The following KIF16B variants were observed in gnomAD, a reference collection of about 807,000 sequenced individuals.
KIF16B encodes kinesin-like protein KIF16B.
KIF16B carries 98 observed loss-of-function variants against 156.3 expected under a neutral mutation model. The ratio of observed to expected loss-of-function variants is 0.63; its 90% confidence interval spans 0.53 to 0.74. The LOEUF (loss-of-function observed/expected upper bound fraction) is 0.74, where lower values mean the gene tolerates loss of function less well. Ranked by LOEUF, KIF16B falls within the 30% of genes least tolerant of loss-of-function variation. The probability of loss-of-function intolerance (pLI) is 0.00; values close to 1 mark genes in which losing one functional copy is unlikely to be tolerated. For synonymous variants in KIF16B, 564 were observed against 583.7 expected, an observed-to-expected ratio of 0.97 and a Z score of 0.49; for missense variants, 1,421 against 1,606.5, an observed-to-expected ratio of 0.88 and a Z score of 1.97.
chr20:16,473,272 A>G (rs1429149955), intron 12 of KIF16B, among the ~76,000 whole-genome samples: 4 of 152,144 alleles, frequency 2.6e-5, no homozygotes, highest in Non-Finnish European at 5.9e-5. Context: ...GGCTCTCCCA[A>G]CTTTTTATAA....
chr20:16,571,849 TC>T (rs1278138013), intron 1 of KIF16B, among the ~76,000 whole-genome samples: 1 of 152,128 alleles, frequency 6.6e-6, no homozygotes, highest in East Asian at 1.9e-4. Context: ...CAGGATGGTC[TC>T]CATCTCTTGA....
chr20:16,561,460 G>C (rs2071059237), intron 1 of KIF16B, among the ~76,000 whole-genome samples: 1 of 151,994 alleles, frequency 6.6e-6, no homozygotes, highest in Non-Finnish European at 1.5e-5. Context: ...CACTAAGTCA[G>C]TGGGAAAAAA....
In KIF16B at chr20:16,379,659, ACGCCGCAGG is replaced by A; in HGVS notation, c.2334_2342del (p.Leu779_Arg781del). The A allele has an allele frequency of 6.2e-7, 1 of 1,613,304 alleles. No individual in the cohort carries two copies. The highest frequency in any genetic ancestry group is 2.2e-5 in the East Asian group (1 of 44,826). ...CCTCTTCCACCCACTGTACCTCCCC[ACGCCGCAGG>A]AGCTGGATCATCTCCTGCTTCTCTC... On this transcript the variant is annotated inframe_deletion, in exon 19 of 26. Coordinates refer to ENST00000354981, the MANE Select transcript of KIF16B (RefSeq NM_024704.5).
rs743131 is a variant in KIF16B at position 16,429,399 on chromosome 20, A to C, written c.1423-395T>G. Among the ~76,000 whole-genome samples the C allele has an allele frequency of 6.6e-3, 1,001 of 152,292 alleles. 16 individuals are homozygous for C. Among genetic ancestry groups the C allele is most frequent in the African/African-American group, 0.023 (959 of 41,572 alleles). ...AGTTATGGGTCAGAGAGAGGGCACT[A>C]AAGTCAAGGTTACAGGGGCATCCAT... On this transcript the variant is annotated intron_variant, in intron 13 of 25. Transcript: ENST00000354981.
At chr20:16,369,464 TTA>T (rs67350383) in intron 22 of KIF16B, among the ~76,000 whole-genome samples, 103,465 of 151,838 alleles carry the variant, frequency 0.68, 36,420 homozygotes, top group East Asian at 0.97. Flanking sequence ...ATTTTCCATA[TTA>T]TATATATATT....
At chr20:16,513,781 A>C (rs1209468381) in intron 4 of KIF16B, among the ~76,000 whole-genome samples, 1 of 152,130 alleles carries the variant, frequency 6.6e-6, no homozygotes, top group African/African-American at 2.4e-5. Context: ...ATGTGGGTAT[A>C]ACGTTCAATA....
Position 16,379,953 on chromosome 20 carries a change from C to T in KIF16B, c.2049G>A (p.Arg683=). The T allele has an allele frequency of 6.2e-7, 1 of 1,613,208 alleles. No homozygotes were observed. Among genetic ancestry groups the T allele is most frequent in the East Asian group, 2.2e-5 (1 of 44,864 alleles). The stretch of plus-strand genomic sequence containing the variant: ...GCTCGATTTCCTGCTGTTCCCTCAG[C>T]CTCTCCTCTTCAAATTTTTCCTTCT... The part of the protein sequence containing the change: ...LAEKEKFEEE[R]LREQQEIELQ... The change falls in exon 19 of 26, where the codon AGG becomes AGA. Residue 683 remains arginine (R), a synonymous_variant. Transcript: ENST00000354981.
intron 17 of KIF16B, among the ~76,000 whole-genome samples, chr20:16,384,189 A>C (rs1600256680): frequency 6.6e-6 from 1 of 152,306 alleles, no homozygotes; most frequent in South Asian, 2.1e-4. Flanking sequence ...CTGAGCACCT[A>C]CTTTTTAAAA....
intron 23 of KIF16B, among the ~76,000 whole-genome samples, chr20:16,337,126 G>T (rs948896660): frequency 1.3e-5 from 2 of 152,166 alleles, no homozygotes; most frequent in African/African-American, 4.8e-5. Flanking sequence ...CTCCTGCTAG[G>T]TGTCTTCACT....
chr20:16,490,168 G>C (rs2068245657), intron 12 of KIF16B, among the ~76,000 whole-genome samples: 1 of 152,124 alleles, frequency 6.6e-6, no homozygotes, highest in African/African-American at 2.4e-5. Context: ...CGTATTTGGA[G>C]ACAGAGCCTT....
intron 23 of KIF16B, among the ~76,000 whole-genome samples, chr20:16,351,263 A>G (rs550205352): frequency 6.6e-6 from 1 of 152,328 alleles, no homozygotes; most frequent in East Asian, 1.9e-4. Context: ...ATTTCAAACA[A>G]TGCTGGAAAC....
At chr20:16,519,003 C>T (rs1241104586) in intron 3 of KIF16B, among the ~76,000 whole-genome samples, 1 of 152,136 alleles carries the variant, frequency 6.6e-6, no homozygotes, top group Non-Finnish European at 1.5e-5. Context: ...CCCCATGGTC[C>T]AATTCTGCTA....
chr20:16,361,915 G>T (rs2064559217), intron 22 of KIF16B, among the ~76,000 whole-genome samples: 1 of 152,146 alleles, frequency 6.6e-6, no homozygotes, highest in Non-Finnish European at 1.5e-5. Context: ...ACTATTAAAA[G>T]TGTCACTATT....
chr20:16,321,348 C>A (rs2063770911), intron 24 of KIF16B, among the ~76,000 whole-genome samples: 1 of 152,008 alleles, frequency 6.6e-6, no homozygotes, highest in African/African-American at 2.4e-5. Flanking sequence ...TAAATTAACA[C>A]CATATGTCTT....
At chr20:16,312,460 T>A in intron 24 of KIF16B, 42 bp from the exon 25 acceptor site, 1 of 1,305,886 alleles carries the variant, frequency 7.7e-7, no homozygotes, top group Non-Finnish European at 1.1e-6. Context: ...ATAGCATACC[T>A]GTTAATTGTT....
intron 15 of KIF16B, among the ~76,000 whole-genome samples, chr20:16,413,277 A>G (rs2066003712): frequency 6.6e-6 from 1 of 152,168 alleles, no homozygotes; most frequent in Non-Finnish European, 1.5e-5. Context: ...TGGAGGGGAC[A>G]TGACATTGTG....
At chr20:16,485,758 G>T (rs6044009) in intron 12 of KIF16B, among the ~76,000 whole-genome samples, 32,370 of 152,042 alleles carry the variant, frequency 0.21, 3,844 homozygotes, top group African/African-American at 0.32. Flanking sequence ...TATCCTAATG[G>T]ATGTCAATTT....
At chr20:16,304,762 C>T (rs6105566) in intron 25 of KIF16B, among the ~76,000 whole-genome samples, 1 of 152,064 alleles carries the variant, frequency 6.6e-6, no homozygotes, top group East Asian at 1.9e-4. Flanking sequence ...CTCAGAAATC[C>T]TAGGATTTTT....
At chr20:16,442,580 T>A (rs2066832590) in intron 12 of KIF16B, among the ~76,000 whole-genome samples, 1 of 152,078 alleles carries the variant, frequency 6.6e-6, no homozygotes, top group South Asian at 2.1e-4. Context: ...CCTAGCTTTT[T>A]TAATTACACA....
Sources: allele counts gnomAD v4.1 joint callset (sites outside exome capture counted in the v4.1 genomes callset), GRCh38; gene constraint gnomAD v4.1.1; transcripts MANE v1.5; gene names NCBI Gene and HGNC (gene_info 2026-07-23, HGNC 2026-07-21).